Variants in MTRF1 observed in about 807,000 individuals in gnomAD.
MTRF1 encodes the protein peptide chain release factor 1, mitochondrial.
In MTRF1, 51 loss-of-function variants were observed where a neutral mutation model predicts 62.9. That is an observed-to-expected ratio of 0.81 (90% CI 0.65 to 1.02). The LOEUF is 1.02. MTRF1 is among the 50% of genes least tolerant of loss of function. MTRF1 has a pLI of 0.00. For synonymous variants in MTRF1, 158 were observed against 181.9 expected (o/e 0.87, Z 1.06); for missense variants, 446 against 530.0 (o/e 0.84, Z 1.56).
chr13:41,225,462 T>G (rs1163823629), intron 8 of MTRF1, among the ~76,000 whole-genome samples: 1 of 152,154 alleles, frequency 6.6e-6, no homozygotes, highest in Non-Finnish European at 1.5e-5. Context: ...CAATCTGGGA[T>G]TACCACTAAT....
At chr13:41,259,156 A>G (rs1349591769) in intron 2 of MTRF1, among the ~76,000 whole-genome samples, 3 of 152,216 alleles carry the variant, frequency 2.0e-5, no homozygotes, top group African/African-American at 7.2e-5. Flanking sequence ...ACCCTCATAC[A>G]CTGTGTGTAG....
chr13:41,253,373 A>T (rs1181949798), intron 3 of MTRF1, among the ~76,000 whole-genome samples: 1 of 152,222 alleles, frequency 6.6e-6, no homozygotes, highest in Non-Finnish European at 1.5e-5. Flanking sequence ...AGCTTCTTTC[A>T]TCTAATGAAT....
chr13:41,224,273 T>C (rs939556413), intron 8 of MTRF1, among the ~76,000 whole-genome samples: 11 of 152,206 alleles, frequency 7.2e-5, no homozygotes, highest in African/African-American at 2.7e-4. Flanking sequence ...ATGTTCTTCA[T>C]GGCACACCAC....
the MTRF1 span, chr13:41,311,607 C>T: frequency 3.1e-6 from 5 of 1,596,710 alleles, no homozygotes; most frequent in Non-Finnish European, 3.4e-6. Context: ...GCCGCGCTGC[C>T]GCCCCCCGGT....
At chr13:41,265,881 C>G (rs976308737), upstream of MTRF1, among the ~76,000 whole-genome samples, 2 of 152,030 alleles carry the variant, frequency 1.3e-5, no homozygotes, top group Non-Finnish European at 1.5e-5. Flanking sequence ...GGTGGAGTCT[C>G]GCTCTGTCAC....
chr13:41,255,339 C>T (rs935853484), intron 2 of MTRF1, among the ~76,000 whole-genome samples: 14 of 152,154 alleles, frequency 9.2e-5, no homozygotes, highest in African/African-American at 3.4e-4. Context: ...GCTTCAGCCT[C>T]CCAGGTAGCT....
At chr13:41,290,989 G>A in the MTRF1 span, among the ~76,000 whole-genome samples, 3 of 151,104 alleles carry the variant, frequency 2.0e-5, no homozygotes, top group East Asian at 2.0e-4. Flanking sequence ...CCAGCTACTC[G>A]GGAGGCTGAG....
intron 9 of MTRF1, among the ~76,000 whole-genome samples, chr13:41,221,212 G>A (rs1391949199): frequency 7.3e-5 from 11 of 149,802 alleles, no homozygotes; most frequent in African/African-American, 2.5e-4. Flanking sequence ...GCTGGAGTGC[G>A]GTGGTGCGAT....
chr13:41,263,112 C>T (rs931494523), intron 1 of MTRF1, among the ~76,000 whole-genome samples: 1 of 152,144 alleles, frequency 6.6e-6, no homozygotes, highest in African/African-American at 2.4e-5. Context: ...CATTTGCTAA[C>T]AGACAGAATA....
At chr13:41,217,456 T>C (rs546059889) in intron 9 of MTRF1, among the ~76,000 whole-genome samples, 7 of 152,328 alleles carry the variant, frequency 4.6e-5, no homozygotes, top group Admixed American at 2.0e-4. Flanking sequence ...TGGATTTTCC[T>C]AACAACTCCA....
At chr13:41,265,416 C>T (rs9532761), upstream of MTRF1, among the ~76,000 whole-genome samples, 81,229 of 150,330 alleles carry the variant, frequency 0.54, 22,404 homozygotes, top group South Asian at 0.62. Flanking sequence ...AGTGAAACTC[C>T]GTCTCAAAAA....
chr13:41,288,705 A>G, the MTRF1 span, among the ~76,000 whole-genome samples: 1 of 152,066 alleles, frequency 6.6e-6, no homozygotes, highest in Non-Finnish European at 1.5e-5. Flanking sequence ...TTTTCACTTT[A>G]TTTCTTTTGT....
At chr13:41,311,423 G>A in the MTRF1 span, 1 of 1,105,196 alleles carries the variant, frequency 9.0e-7, no homozygotes. Flanking sequence ...TCCATCGCCC[G>A]CAGCCCGACT....
At chr13:41,274,151 G>A in the MTRF1 span, among the ~76,000 whole-genome samples, 1 of 152,204 alleles carries the variant, frequency 6.6e-6, no homozygotes, top group South Asian at 2.1e-4. Context: ...ACTTTCACAG[G>A]AACAATGGGA....
At chr13:41,279,675 C>T in the MTRF1 span, among the ~76,000 whole-genome samples, 11 of 152,062 alleles carry the variant, frequency 7.2e-5, no homozygotes, top group Non-Finnish European at 1.2e-4. Flanking sequence ...TTATGAGACA[C>T]GGAAAAAAAT....
rs116236497 is a variant in MTRF1, at chr13:41,234,377, C to T, written c.871-370G>A. ...AATTTCTTGTACAGATGGGGTCTTGCTATTTTGCCCAGGCTGGTCTTGAAC... is the reference window on the plus strand; with the variant it reads ...AATTTCTTGTACAGATGGGGTCTTGTTATTTTGCCCAGGCTGGTCTTGAAC... On this transcript the variant is annotated intron_variant, in intron 6 of 9. Coordinates refer to ENST00000379480, the MANE Select transcript of MTRF1 (RefSeq NM_004294.4). 6.9e-3 allele frequency among the ~76,000 whole-genome samples: 1,057 copies of T among 152,240 alleles called. 10 individuals carry two copies. The highest frequency in any genetic ancestry group is 0.025 in the African/African-American group (1,021 of 41,540).
intron 7 of MTRF1, among the ~76,000 whole-genome samples, chr13:41,232,338 G>A (rs1383740911): frequency 1.3e-5 from 2 of 151,112 alleles, no homozygotes; most frequent in African/African-American, 4.9e-5. Context: ...AAAACAAAGT[G>A]ACAGACAATA....
the MTRF1 span, among the ~76,000 whole-genome samples, chr13:41,307,328 T>C: frequency 3.7e-3 from 568 of 152,248 alleles, 4 homozygotes; most frequent in Non-Finnish European, 6.5e-3. Flanking sequence ...TCTAGTTGTT[T>C]AAAAGTGTGT....
chr13:41,270,106 A>G, the MTRF1 span, among the ~76,000 whole-genome samples: 5 of 152,170 alleles, frequency 3.3e-5, no homozygotes, highest in African/African-American at 9.7e-5. Flanking sequence ...AGTTTATTCT[A>G]TCTTGGGCTG....
Sources: allele counts gnomAD v4.1 joint callset (sites outside exome capture counted in the v4.1 genomes callset), GRCh38; gene constraint gnomAD v4.1.1; transcripts MANE v1.5; gene names NCBI Gene and HGNC (gene_info 2026-07-23, HGNC 2026-07-21).